Variants in METTL8 observed in about 807,000 individuals in gnomAD.
METTL8 encodes the protein tRNA N(3)-cytidine methyltransferase METTL8, mitochondrial.
METTL8 carries 32 observed loss-of-function variants against 48.7 expected under a neutral mutation model. That is an observed-to-expected ratio of 0.66 (90% CI 0.50 to 0.88). The LOEUF (loss-of-function observed/expected upper bound fraction) is 0.88. Among genes scored for constraint, METTL8 ranks in the 40% least tolerant of loss-of-function variants. The pLI, the probability that METTL8 is intolerant of heterozygous loss-of-function variation, is 0.00. For missense variants in METTL8, 464 were observed against 474.4 expected (o/e 0.98, Z 0.20); for synonymous variants, 136 against 157.1 (o/e 0.87, Z 1.01).
At chr2:171,331,713 T>A (rs1685554184) in intron 6 of METTL8, 91 bp downstream of exon 6, 1 of 1,032,538 alleles carries the variant, frequency 9.7e-7, no homozygotes, top group African/African-American at 1.6e-5. Context: ...CACCACGCCC[T>A]GCCTCTAGTG....
rs1684397776 is a variant in METTL8, at chr2:171,319,054, TA to T, written c.*5117del. ...AATTAAGAGTAGCTAAGCAGTTCAATAGGAACTAGGACCCATGCTTCCTGTT... is the reference window on the plus strand; with the variant it reads ...AATTAAGAGTAGCTAAGCAGTTCAATGGAACTAGGACCCATGCTTCCTGTT... On this transcript the variant is annotated 3_prime_UTR_variant, in exon 10 of 10. Coordinates refer to ENST00000375258, the MANE Select transcript of METTL8 (RefSeq NM_001321154.2). 6.6e-6 allele frequency: 1 copy of T among 152,144 alleles called. No individual in the cohort carries two copies. The highest frequency in any genetic ancestry group is 1.5e-5 in the Non-Finnish European group (1 of 68,018). The allele number at this position is 152,144 out of a possible 1,614,324, so 9.4% of individuals were successfully genotyped here.
intron 1 of METTL8, among the ~76,000 whole-genome samples, chr2:171,427,667 G>A (rs970042199): frequency 3.9e-5 from 6 of 152,124 alleles, no homozygotes; most frequent in South Asian, 2.1e-4. Flanking sequence ...TCTTTAGAAC[G>A]GCCTTCCCTG....
chr2:171,327,671 G>C (rs1475107221), intron 7 of METTL8, among the ~76,000 whole-genome samples: 3 of 152,026 alleles, frequency 2.0e-5, no homozygotes, highest in Admixed American at 6.6e-5. Flanking sequence ...GAAAGAAGTA[G>C]GACAAAAGGA....
At chr2:171,434,614 C>G, upstream of METTL8, 1 of 1,530,042 alleles carries the variant, frequency 6.5e-7, no homozygotes, top group African/African-American at 1.4e-5. Context: ...GTGCAGCCGG[C>G]TGAGTCGCCG....
chr2:171,337,149 G>A (rs1686209682), intron 5 of METTL8, among the ~76,000 whole-genome samples: 1 of 152,084 alleles, frequency 6.6e-6, no homozygotes, highest in South Asian at 2.1e-4. Flanking sequence ...TTAAAGGCAT[G>A]AGCCACCATG....
At position 171,319,827 on chromosome 2, in the gene METTL8, T is replaced by TG. The variant is rs1280260140; in HGVS notation, c.*4344dup. On this transcript the variant is annotated 3_prime_UTR_variant, in exon 10 of 10. Transcript: ENST00000375258. ...ATGCTCAAAAGTGAATTTTTAGAAA[T>TG]GGAGAAAAAAATGAAGGGTGCATTT... The TG allele has an allele frequency of 6.6e-6, 1 of 152,076 alleles. No individual in the cohort carries two copies. Among genetic ancestry groups the TG allele is most frequent in the African/African-American group, 2.4e-5 (1 of 41,426 alleles). 9.4% of individuals were successfully genotyped at this position (152,076 alleles called of 1,614,324 possible).
chr2:171,353,952 C>T lies in METTL8; in HGVS notation c.235+6470G>A, dbSNP rs1280325525. On this transcript the variant is annotated intron_variant, in intron 3 of 9. Transcript: ENST00000375258. ...TGTCTTTTAATTGGAGCATTTAGCC[C>T]ATTTACATTTAAGGTTAATATTGTT... Among the ~76,000 whole-genome samples, 6 of 152,262 alleles carry T rather than the reference C, an allele frequency of 3.9e-5. No individual in the cohort carries two copies. The East Asian group carries it at 5.8e-4, about 15-fold the overall frequency.
At chr2:171,416,665 C>G (rs1691345133) in intron 1 of METTL8, among the ~76,000 whole-genome samples, 1 of 152,224 alleles carries the variant, frequency 6.6e-6, no homozygotes, top group South Asian at 2.1e-4. Flanking sequence ...CTTACAAAAG[C>G]TCTCACATTC....
chr2:171,356,553 T>C (rs969302500), intron 3 of METTL8, among the ~76,000 whole-genome samples: 4 of 152,084 alleles, frequency 2.6e-5, no homozygotes, highest in African/African-American at 4.8e-5. Context: ...CATTAATCAA[T>C]CTCTCTTCAC....
At chr2:171,355,407 T>C (rs993538585) in intron 3 of METTL8, among the ~76,000 whole-genome samples, 1 of 152,202 alleles carries the variant, frequency 6.6e-6, no homozygotes, top group Admixed American at 6.5e-5. Flanking sequence ...GTTAGGCTAC[T>C]TGGGGGTCAG....
At chr2:171,421,031 A>G (rs1691817854) in intron 1 of METTL8, among the ~76,000 whole-genome samples, 1 of 152,230 alleles carries the variant, frequency 6.6e-6, no homozygotes, top group Non-Finnish European at 1.5e-5. Flanking sequence ...ACTGCAATGG[A>G]GGTCTTGGCC....
At chr2:171,434,702 A>G (rs1693702875), upstream of METTL8, 4 of 1,474,940 alleles carry the variant, frequency 2.7e-6, no homozygotes, top group East Asian at 2.8e-5. Context: ...CTGGTGTGCC[A>G]GGTGACCGCC....
intron 5 of METTL8, among the ~76,000 whole-genome samples, chr2:171,333,424 A>T (rs1421136966): frequency 6.6e-6 from 1 of 152,200 alleles, no homozygotes; most frequent in African/African-American, 2.4e-5. Flanking sequence ...AAGGCAACTC[A>T]TTGATGAATA....
At chr2:171,433,560 A>G (rs1421225075) in intron 1 of METTL8, among the ~76,000 whole-genome samples, 2 of 152,236 alleles carry the variant, frequency 1.3e-5, no homozygotes, top group Non-Finnish European at 2.9e-5. Flanking sequence ...AGGCAGGGCT[A>G]GTTAACAAAG....
intron 1 of METTL8, among the ~76,000 whole-genome samples, chr2:171,396,355 A>G (rs1226924879): frequency 1.3e-5 from 2 of 152,164 alleles, no homozygotes; most frequent in Non-Finnish European, 2.9e-5. Flanking sequence ...ATAATATTAA[A>G]TGTTAATATT....
At chr2:171,422,863 C>T (rs1481455409) in intron 1 of METTL8, among the ~76,000 whole-genome samples, 13 of 152,160 alleles carry the variant, frequency 8.5e-5, no homozygotes, top group Admixed American at 8.5e-4. Flanking sequence ...ATAGAAATTG[C>T]TATAACAACA....
intron 1 of METTL8, among the ~76,000 whole-genome samples, chr2:171,425,645 A>G (rs1301196544): frequency 6.6e-6 from 1 of 152,240 alleles, no homozygotes; most frequent in East Asian, 1.9e-4. Context: ...ACCACAGCCC[A>G]GGCTGACACC....
In METTL8 at chr2:171,315,918, C is replaced by T. The variant is rs1333644706; in HGVS notation, c.*8254G>A. 2.6e-5 allele frequency among the ~76,000 whole-genome samples: 4 copies of T among 152,346 alleles called. No individual in the cohort carries two copies. The East Asian group carries it at 5.8e-4, about 22-fold the overall frequency. ...GTGAGGTAACCCAAGCCAAATTCCT[C>T]TGGTGTCACAGTTCCTCCTATACCA... On this transcript the variant is annotated 3_prime_UTR_variant, in exon 10 of 10. Coordinates refer to ENST00000375258, the MANE Select transcript of METTL8 (RefSeq NM_001321154.2).
chr2:171,354,097 C>T lies in METTL8; in HGVS notation c.235+6325G>A, dbSNP rs556040509. The stretch of plus-strand genomic sequence containing the variant: ...TGGCATGTTTTTCAATGGCTGGTAC[C>T]GGTTGTTCCTTTCCATGTTTAGTGC... On this transcript the variant is annotated intron_variant, in intron 3 of 9. Transcript: ENST00000375258. Among the ~76,000 whole-genome samples the T allele has an allele frequency of 1.2e-4, 18 of 152,192 alleles. No homozygotes were observed. In the East Asian group the frequency reaches 2.7e-3, roughly 23 times the overall value.
Sources: allele counts gnomAD v4.1 joint callset (sites outside exome capture counted in the v4.1 genomes callset), GRCh38; gene constraint gnomAD v4.1.1; transcripts MANE v1.5; gene names NCBI Gene and HGNC (gene_info 2026-07-23, HGNC 2026-07-21).